The following PTER variants were observed in gnomAD, a reference collection of about 807,000 sequenced individuals.
The protein encoded by PTER is phosphotriesterase related.
Under a neutral mutation model 29.6 loss-of-function variants are expected in PTER, and 38 were observed. The ratio of observed to expected loss-of-function variants is 1.28; its 90% CI spans 0.99 to 1.68. PTER has a LOEUF of 1.68. Ranked by LOEUF, PTER falls within the 40% of genes most tolerant of loss-of-function variation. PTER has a pLI of 0.00. For synonymous variants in PTER, 172 were observed against 154.5 expected, an observed-to-expected ratio of 1.11 and a Z score of -0.84; for missense variants, 482 against 427.8, an observed-to-expected ratio of 1.13 and a Z score of -1.12.
At chr10:16,447,504 A>G (rs1834058451) in intron 1 of PTER, among the ~76,000 whole-genome samples, 1 of 152,092 alleles carries the variant, frequency 6.6e-6, no homozygotes, top group African/African-American at 2.4e-5. Flanking sequence ...TGTGTTAGTA[A>G]TAACTTGGTC....
At chr10:16,508,688 A>G (rs774633524) in intron 4 of PTER, among the ~76,000 whole-genome samples, 1 of 151,872 alleles carries the variant, frequency 6.6e-6, no homozygotes, top group Non-Finnish European at 1.5e-5. Flanking sequence ...AAATCTGTGT[A>G]TATATATATA....
intron 3 of PTER, among the ~76,000 whole-genome samples, chr10:16,490,153 G>A (rs1407287335): frequency 6.6e-6 from 1 of 152,130 alleles, no homozygotes; most frequent in Non-Finnish European, 1.5e-5. Flanking sequence ...TACTTCCGCA[G>A]AATCATCTAT....
At chr10:16,468,301 C>T (rs1254995630) in intron 1 of PTER, among the ~76,000 whole-genome samples, 8 of 152,074 alleles carry the variant, frequency 5.3e-5, no homozygotes, top group Non-Finnish European at 1.2e-4. Context: ...GAGATCAAAC[C>T]ACCGTACTCC....
At position 16,488,599 on chromosome 10, in the gene PTER, A is replaced by ATG. The variant is rs1219847526; in HGVS notation, c.698+1983_698+1984insGT. Among the ~76,000 whole-genome samples the ATG allele has an allele frequency of 2.8e-5, 4 of 142,730 alleles. No individual in the cohort carries two copies. In the East Asian group the frequency reaches 8.8e-4, roughly 31 times the overall value. 93.6% of individuals were successfully genotyped at this position (142,730 alleles called of 152,430 possible). A position where few individuals can be genotyped will look rare whatever the true frequency, so the allele number is the denominator to read the frequency against. ...TCTACTAATTTAAATATATATATAT[A>ATG]TATGGAGAGAGAGAGAGAGAGAGAG... On this transcript the variant is annotated intron_variant, in intron 3 of 4. Coordinates refer to ENST00000535784, the MANE Select transcript of PTER (RefSeq NM_001261836.2).
chr10:16,458,409 T>C (rs1335198610), intron 1 of PTER, among the ~76,000 whole-genome samples: 2 of 152,200 alleles, frequency 1.3e-5, no homozygotes, highest in East Asian at 1.9e-4. Flanking sequence ...TATGATATTA[T>C]AGTGATGGGC....
intron 1 of PTER, among the ~76,000 whole-genome samples, chr10:16,462,035 G>C (rs1267378946): frequency 3.3e-5 from 5 of 151,252 alleles, no homozygotes; most frequent in Non-Finnish European, 7.4e-5. Flanking sequence ...ACCCAGGCTG[G>C]AGTGTGATGG....
At chr10:16,479,960 A>G (rs545562607) in intron 1 of PTER, among the ~76,000 whole-genome samples, 1 of 150,814 alleles carries the variant, frequency 6.6e-6, no homozygotes, top group South Asian at 2.1e-4. Flanking sequence ...GGTTGGTGCA[A>G]AAATAATTCT....
intron 1 of PTER, among the ~76,000 whole-genome samples, chr10:16,456,793 T>C (rs1834409549): frequency 6.7e-6 from 1 of 149,154 alleles, no homozygotes; most frequent in African/African-American, 2.5e-5. Flanking sequence ...TCATCTTGAA[T>C]TGTAGCTCTC....
At chr10:16,448,094 A>G (rs1199714651) in intron 1 of PTER, among the ~76,000 whole-genome samples, 1 of 152,216 alleles carries the variant, frequency 6.6e-6, no homozygotes, top group Non-Finnish European at 1.5e-5. Context: ...AGTTTCTACC[A>G]AAGCCCAGTA....
intron 1 of PTER, among the ~76,000 whole-genome samples, chr10:16,472,271 A>C (rs891798563): frequency 6.6e-6 from 1 of 152,174 alleles, no homozygotes; most frequent in Admixed American, 6.5e-5. Context: ...ATGATTTAGC[A>C]TTTATCCCAT....
chr10:16,439,282 G>A (rs1003414558), intron 1 of PTER, among the ~76,000 whole-genome samples: 5 of 152,102 alleles, frequency 3.3e-5, no homozygotes, highest in Middle Eastern at 3.2e-3. Context: ...GTTTCACTGG[G>A]CAAATTTCCC....
intron 3 of PTER, among the ~76,000 whole-genome samples, chr10:16,504,287 T>C (rs1356453260): frequency 6.6e-6 from 1 of 152,202 alleles, no homozygotes; most frequent in Non-Finnish European, 1.5e-5. Flanking sequence ...GTACTTGTCT[T>C]ACATTTCTCT....
At position 16,477,258 on chromosome 10, in the gene PTER, C is replaced by CGATAGATAGATAGATAGATA. The variant is rs56294482; in HGVS notation, c.-48-7055_-48-7036dup. Among the ~76,000 whole-genome samples, 847 of 148,002 alleles carry CGATAGATAGATAGATAGATA rather than the reference C, an allele frequency of 5.7e-3. 3 individuals are homozygous for CGATAGATAGATAGATAGATA. The highest frequency in any genetic ancestry group is 0.012 in the East Asian group (57 of 4,926). ...TGAACTGGAAATTCATTCTGTCTTT[C>CGATAGATAGATAGATAGATA]GATAGATAGATAGATAGATAGATAG... On this transcript the variant is annotated intron_variant, in intron 1 of 4. Transcript: ENST00000535784.
At chr10:16,501,745 G>GA (rs1388340691) in intron 3 of PTER, among the ~76,000 whole-genome samples, 1 of 152,166 alleles carries the variant, frequency 6.6e-6, no homozygotes, top group Admixed American at 6.5e-5. Flanking sequence ...TTAGCAATAG[G>GA]AGAAGCCATA....
At chr10:16,460,180 G>A (rs574492378) in intron 1 of PTER, among the ~76,000 whole-genome samples, 2 of 152,352 alleles carry the variant, frequency 1.3e-5, no homozygotes, top group African/African-American at 2.4e-5. Flanking sequence ...GTCATTCAGT[G>A]AACAGTGGAA....
chr10:16,508,690 A>ATG (rs1836692114), intron 4 of PTER, among the ~76,000 whole-genome samples: 1 of 152,014 alleles, frequency 6.6e-6, no homozygotes, highest in African/African-American at 2.4e-5. Context: ...ATCTGTGTAT[A>ATG]TATATATAAA....
At chr10:16,474,662 T>C (rs752162699) in intron 1 of PTER, among the ~76,000 whole-genome samples, 1 of 151,530 alleles carries the variant, frequency 6.6e-6, no homozygotes, top group African/African-American at 2.4e-5. Context: ...CCGAGGCAGG[T>C]GGATCATGAG....
chr10:16,447,056 T>C (rs1358584904), intron 1 of PTER, among the ~76,000 whole-genome samples: 1 of 151,950 alleles, frequency 6.6e-6, no homozygotes, highest in Non-Finnish European at 1.5e-5. Flanking sequence ...CCCAAAGTGC[T>C]GGAATTACAG....
chr10:16,483,561 G>C (rs1036614657), intron 1 of PTER, among the ~76,000 whole-genome samples: 4 of 152,036 alleles, frequency 2.6e-5, no homozygotes, highest in Non-Finnish European at 4.4e-5. Flanking sequence ...AGAAAGATCA[G>C]TTGTGGCCAC....
Sources: allele counts gnomAD v4.1 joint callset (sites outside exome capture counted in the v4.1 genomes callset), GRCh38; gene constraint gnomAD v4.1.1; transcripts MANE v1.5; gene names NCBI Gene and HGNC (gene_info 2026-07-23, HGNC 2026-07-21).